The following EIF2S3 variants were observed in gnomAD, a reference collection of about 807,000 sequenced individuals.
EIF2S3 encodes eukaryotic translation initiation factor 2 subunit gamma, also known as eukaryotic translation initiation factor 2 subunit 3.
Under a neutral mutation model 31.7 loss-of-function variants are expected in EIF2S3, and 2 were observed. That is an observed-to-expected ratio of 0.06 (90% confidence interval 0.03 to 0.20). The LOEUF is 0.20. Among genes scored for constraint, EIF2S3 ranks in the 10% least tolerant of loss-of-function variants. The pLI, the probability that EIF2S3 is intolerant of heterozygous loss-of-function variation, is 1.00. For missense variants in EIF2S3, 96 were observed against 359.3 expected, an observed-to-expected ratio of 0.27 and a Z score of 5.92; for synonymous variants, 120 against 126.7, an observed-to-expected ratio of 0.95 and a Z score of 0.36.
At chrX:24,055,335 T>C (rs932348794) in intron 1 of EIF2S3, among the ~76,000 whole-genome samples, 7 of 111,724 alleles carry the variant, frequency 6.3e-5, no homozygotes, top group Non-Finnish European at 1.9e-5. Context: ...GGGTGTCCTG[T>C]CTGCATTACT....
chrX:24,057,351 A>C, intron 2 of EIF2S3, 70 bp from the exon 3 acceptor site: 1 of 1,139,758 alleles, frequency 8.8e-7, no homozygotes, highest in Non-Finnish European at 1.2e-6. Flanking sequence ...TCTACTCTTA[A>C]CACTATTTGA....
At chrX:24,071,785 C>A in intron 10 of EIF2S3, 58 bp downstream of exon 10, 1 of 1,112,254 alleles carries the variant, frequency 9.0e-7, no homozygotes, top group Non-Finnish European at 1.2e-6. Flanking sequence ...GAGTGTTAAA[C>A]CAGTGTTGAG....
chrX:24,073,800 C>A (rs775874676), intron 11 of EIF2S3, among the ~76,000 whole-genome samples: 5 of 112,161 alleles, frequency 4.5e-5, no homozygotes, highest in African/African-American at 1.3e-4. Flanking sequence ...AATTTGGGTT[C>A]GGTATTTCTA....
intron 5 of EIF2S3, 132 bp downstream of exon 5, chrX:24,060,314 A>G (rs1930471066): frequency 3.8e-6 from 2 of 520,222 alleles, no homozygotes; most frequent in Non-Finnish European, 3.2e-6. Context: ...CTAACATGTC[A>G]TCCAGGATGA....
chrX:24,064,711 C>T (rs1930544809), intron 7 of EIF2S3, among the ~76,000 whole-genome samples: 1 of 111,467 alleles, frequency 9.0e-6, no homozygotes, highest in Non-Finnish European at 1.9e-5. Context: ...TGCCTGTAAT[C>T]CCAGCTACTC....
At chrX:24,062,223 CCAGAACTTTTGTAT>C (rs772577928) in intron 5 of EIF2S3, among the ~76,000 whole-genome samples, 179 bp from the exon 6 acceptor site, 163 of 110,692 alleles carry the variant, frequency 1.5e-3, no homozygotes, top group African/African-American at 5.0e-3. Context: ...CTATCTAGTT[CCAGAACTTTTGTAT>C]CAGAACTTTT....
intron 6 of EIF2S3, among the ~76,000 whole-genome samples, chrX:24,063,192 G>A (rs921004723): frequency 8.9e-6 from 1 of 112,107 alleles, no homozygotes; most frequent in Non-Finnish European, 1.9e-5. Flanking sequence ...GCGGTGAGCC[G>A]AGATCACGCC....
intron 9 of EIF2S3, 127 bp from the exon 10 acceptor site, chrX:24,071,431 C>G: frequency 1.5e-6 from 1 of 645,636 alleles, no homozygotes; most frequent in East Asian, 3.6e-5. Flanking sequence ...GCTCAGGCAT[C>G]CACCTGCCTC....
chrX:24,073,938 T>C (rs1191742542), intron 11 of EIF2S3, among the ~76,000 whole-genome samples: 2 of 112,281 alleles, frequency 1.8e-5, no homozygotes, highest in Non-Finnish European at 3.8e-5. Flanking sequence ...ATATAAGTTT[T>C]TTTCTGAACC....
chrX:24,058,971 C>T (rs769431443), intron 4 of EIF2S3, among the ~76,000 whole-genome samples: 29 of 110,681 alleles, frequency 2.6e-4, no homozygotes, highest in Non-Finnish European at 3.8e-4. Context: ...GTGATCTGCC[C>T]GCCTCAGCCT....
At chrX:24,055,940 G>A (rs772307911) in intron 2 of EIF2S3, among the ~76,000 whole-genome samples, 39 of 112,155 alleles carry the variant, frequency 3.5e-4, no homozygotes, top group African/African-American at 1.2e-3. Flanking sequence ...GTCATATGTA[G>A]CAGAAGTTTA....
intron 6 of EIF2S3, 57 bp from the exon 7 acceptor site, chrX:24,064,144 A>G (rs768159858): frequency 3.0e-6 from 3 of 1,000,788 alleles, no homozygotes; most frequent in Non-Finnish European, 3.9e-6. Context: ...TAACAGATAC[A>G]TAGAATAAAT....
intron 9 of EIF2S3, among the ~76,000 whole-genome samples, chrX:24,068,957 AG>A (rs938012935): frequency 1.8e-5 from 2 of 112,188 alleles, no homozygotes; most frequent in African/African-American, 6.5e-5. Context: ...GAGAATTAGA[AG>A]GGGTGTTGTA....
At chrX:24,066,714 A>G (rs892318636) in intron 8 of EIF2S3, among the ~76,000 whole-genome samples, 1 of 110,919 alleles carries the variant, frequency 9.0e-6, no homozygotes, top group Admixed American at 9.6e-5. Flanking sequence ...GGGTTTCACC[A>G]TGTTGGCCAG....
Position 24,060,072 on chromosome X carries a change from A to G in EIF2S3, c.384-16A>G. On this transcript the variant is annotated splice_polypyrimidine_tract_variant and intron_variant, in intron 4 of 11. Transcript: ENST00000253039. ...GTGATTTATGTTAAGGCTGATTGTT[A>G]TTTCTCAATCATTAGACATGTTTCC... The G allele has an allele frequency of 1.4e-5, 17 of 1,174,231 alleles. No individual in the cohort carries two copies. Among genetic ancestry groups the G allele is most frequent in the Non-Finnish European group, 2.0e-5 (17 of 862,175 alleles).
In EIF2S3 at chrX:24,068,053, A is replaced by G. The variant is rs983418794; in HGVS notation, c.957A>G (p.Val319=). 8 of 1,202,231 alleles carry G rather than the reference A, an allele frequency of 6.7e-6. No individual in the cohort carries two copies. In the Admixed American group the frequency reaches 1.3e-4, roughly 20 times the overall value. The change falls in exon 9 of 12, where the codon GTA becomes GTG. Residue 319 remains valine (V), a synonymous_variant. Coordinates refer to ENST00000253039, the MANE Select transcript of EIF2S3 (RefSeq NM_001415.4). ...GTAAACCAATCTTTTCCAAAATTGTATCACTTTTTGCGGAGCATAATGATC... is the reference window on the plus strand; with the variant it reads ...GTAAACCAATCTTTTCCAAAATTGTGTCACTTTTTGCGGAGCATAATGATC... The part of the protein sequence containing the change: ...LMCKPIFSKI[V]SLFAEHNDLQ...
At chrX:24,066,991 C>T (rs1002382992) in intron 8 of EIF2S3, among the ~76,000 whole-genome samples, 2 of 111,597 alleles carry the variant, frequency 1.8e-5, no homozygotes, top group Non-Finnish European at 3.8e-5. Context: ...CATATGGTAG[C>T]TGTATTTTCA....
chrX:24,059,375 T>G (rs1930456325), intron 4 of EIF2S3, among the ~76,000 whole-genome samples: 1 of 111,961 alleles, frequency 8.9e-6, no homozygotes, highest in African/African-American at 3.2e-5. Flanking sequence ...AAATGGGCAA[T>G]TCTAGTTTTT....
rs761292039 is a variant in EIF2S3, at chrX:24,067,961, C to T, written c.868-3C>T. On this transcript the variant is annotated splice_polypyrimidine_tract_variant and splice_region_variant and intron_variant, in intron 8 of 11. Coordinates refer to ENST00000253039, the MANE Select transcript of EIF2S3 (RefSeq NM_001415.4). Reference sequence around the variant, plus strand: ...ATTCTAATTACTAATTATATGTTTACAGGTGGGCCAGGAGATAGAAGTAAG... The same window carrying T: ...ATTCTAATTACTAATTATATGTTTATAGGTGGGCCAGGAGATAGAAGTAAG... 1 of 1,183,172 alleles carries T rather than the reference C, an allele frequency of 8.5e-7. No individual in the cohort carries two copies. The highest frequency in any genetic ancestry group is 1.1e-6 in the Non-Finnish European group (1 of 877,768).
Sources: gnomAD v4.1 joint callset for allele counts (sites outside exome capture counted in the v4.1 genomes callset) on GRCh38, gnomAD v4.1.1 for gene constraint, MANE v1.5 for transcripts, NCBI Gene and HGNC (gene_info 2026-07-23, HGNC 2026-07-21) for gene names.